The following PYHIN1 variants were observed in gnomAD, a reference collection of about 807,000 sequenced individuals.
PYHIN1 encodes the protein pyrin and HIN domain family member 1.
A neutral mutation model predicts 43.7 loss-of-function variants in PYHIN1; 32 were observed. The observed-to-expected ratio is 0.73, with a 90% CI of 0.55 to 0.98. The LOEUF is 0.98. PYHIN1 is among the 50% of genes least tolerant of loss of function. PYHIN1 has a pLI of 0.00. For synonymous variants in PYHIN1, 205 were observed against 203.1 expected, an observed-to-expected ratio of 1.01 and a Z score of -0.08; for missense variants, 588 against 589.5, an observed-to-expected ratio of 1.00 and a Z score of 0.03.
At chr1:158,972,256 G>A (rs1265041333) in intron 7 of PYHIN1, among the ~76,000 whole-genome samples, 10 of 152,074 alleles carry the variant, frequency 6.6e-5, no homozygotes, top group African/African-American at 1.9e-4. Context: ...CCATCTGGTA[G>A]TTCTTTAACC....
intron 4 of PYHIN1, 26 bp from the exon 5 acceptor site, chr1:158,941,951 T>G (rs1339456395): frequency 2.6e-6 from 4 of 1,538,458 alleles, no homozygotes; most frequent in Middle Eastern, 1.8e-4. Context: ...AATTTCTTTT[T>G]TGTATTCCTT....
downstream of PYHIN1, among the ~76,000 whole-genome samples, chr1:158,980,169 C>T (rs1651439061): frequency 1.3e-5 from 2 of 152,096 alleles, no homozygotes; most frequent in Admixed American, 1.3e-4. Context: ...CCAAATAATA[C>T]TTTTATAATT....
At chr1:158,952,736 T>C (rs1649632661) in intron 7 of PYHIN1, among the ~76,000 whole-genome samples, 1 of 152,096 alleles carries the variant, frequency 6.6e-6, no homozygotes, top group Admixed American at 6.6e-5. Context: ...TTAAGATTTC[T>C]CCCAGAGGGA....
chr1:158,978,883 C>T (rs1357709051), downstream of PYHIN1, among the ~76,000 whole-genome samples: 1 of 152,146 alleles, frequency 6.6e-6, no homozygotes, highest in African/African-American at 2.4e-5. Flanking sequence ...CTTGGGACCA[C>T]AAGTAGGTGA....
At chr1:158,966,067 A>G (rs1443997855) in intron 7 of PYHIN1, among the ~76,000 whole-genome samples, 3 of 152,310 alleles carry the variant, frequency 2.0e-5, no homozygotes, top group South Asian at 4.1e-4. Flanking sequence ...CCACAGAAAT[A>G]CAACAATCCT....
chr1:158,987,603 T>C, the PYHIN1 span, among the ~76,000 whole-genome samples: 2 of 152,232 alleles, frequency 1.3e-5, no homozygotes, highest in African/African-American at 4.8e-5. Context: ...TTAGAATCTA[T>C]TGCCAAATCC....
chr1:158,967,617 A>C (rs532765253), intron 7 of PYHIN1, among the ~76,000 whole-genome samples: 1 of 152,160 alleles, frequency 6.6e-6, no homozygotes, highest in South Asian at 2.1e-4. Context: ...TAAAACCAAA[A>C]ATGAACTTGA....
chr1:158,980,775 T>G (rs1651457815), downstream of PYHIN1, among the ~76,000 whole-genome samples: 1 of 152,164 alleles, frequency 6.6e-6, no homozygotes, highest in Non-Finnish European at 1.5e-5. Flanking sequence ...TTTTACCCTT[T>G]GTCCCGTTCC....
At chr1:158,967,863 A>C (rs1183493204) in intron 7 of PYHIN1, among the ~76,000 whole-genome samples, 12 of 152,022 alleles carry the variant, frequency 7.9e-5, no homozygotes. Flanking sequence ...TTTTTCAATA[A>C]ATGGTGCTGA....
At chr1:158,988,379 T>C in the PYHIN1 span, among the ~76,000 whole-genome samples, 1 of 152,186 alleles carries the variant, frequency 6.6e-6, no homozygotes, top group Non-Finnish European at 1.5e-5. Context: ...TTGAAGAGAT[T>C]ATTTGTAAAC....
Position 158,936,925 on chromosome 1 carries a change from C to A in PYHIN1, c.15C>A (p.Tyr5Ter), listed in dbSNP as rs1368228534. 6.3e-7 allele frequency: 1 copy of A among 1,581,538 alleles called. No individual in the cohort carries two copies. The highest frequency in any genetic ancestry group is 8.6e-7 in the Non-Finnish European group (1 of 1,166,620). Residue 5 changes from tyrosine to a stop codon, truncating the protein, a stop_gained, in exon 2 of 9, where the codon TAC becomes TAA. Transcript: ENST00000368140. LOFTEE classifies it high-confidence loss of function. MANN[Y>*]KKIVLLKGLE... Reference sequence around the variant, plus strand: ...TATCTTTAGAGATGGCAAATAACTACAAGAAAATTGTTCTACTGAAAGGAT... The same window carrying A: ...TATCTTTAGAGATGGCAAATAACTAAAAGAAAATTGTTCTACTGAAAGGAT...
intron 7 of PYHIN1, among the ~76,000 whole-genome samples, chr1:158,964,623 C>T (rs531020355): frequency 6.6e-6 from 1 of 152,226 alleles, no homozygotes; most frequent in African/African-American, 2.4e-5. Context: ...AAGAATTTCA[C>T]ATACAGCCAA....
At chr1:158,957,017 G>A (rs575921104) in intron 7 of PYHIN1, among the ~76,000 whole-genome samples, 140 of 146,658 alleles carry the variant, frequency 9.5e-4, no homozygotes, top group Non-Finnish European at 1.7e-3. Flanking sequence ...GCTTCAAAGA[G>A]AATAAAATAC....
intron 4 of PYHIN1, among the ~76,000 whole-genome samples, chr1:158,940,920 G>A (rs1337198038): frequency 6.6e-6 from 1 of 152,140 alleles, no homozygotes; most frequent in African/African-American, 2.4e-5. Context: ...GTCTCTCTGA[G>A]CAGTTATATG....
downstream of PYHIN1, among the ~76,000 whole-genome samples, chr1:158,979,187 T>C (rs1030575399): frequency 2.6e-5 from 4 of 152,154 alleles, no homozygotes; most frequent in Admixed American, 1.3e-4. Context: ...ACTTAACAAA[T>C]TTCAAGTTTA....
chr1:158,949,365 T>C (rs1044868341), intron 7 of PYHIN1, among the ~76,000 whole-genome samples: 2 of 152,340 alleles, frequency 1.3e-5, no homozygotes, highest in African/African-American at 4.8e-5. Context: ...ATTACTTTCC[T>C]GGCTTTTTTT....
rs532753281 is a variant in PYHIN1 at position 158,974,356 on chromosome 1, A to T, written c.*5+585A>T. 3.9e-5 allele frequency among the ~76,000 whole-genome samples: 6 copies of T among 152,210 alleles called. No homozygotes were observed. The South Asian group carries it at 1.0e-3, about 26-fold the overall frequency. ...AACATTTCTCTTTATTTTATTTAGA[A>T]CATTTATTAAAATTCTAATAATAAA... On this transcript the variant is annotated intron_variant, in intron 8 of 8. Coordinates refer to ENST00000368140, the MANE Select transcript of PYHIN1 (RefSeq NM_152501.5).
Position 158,933,724 on chromosome 1 carries a change from C to T in PYHIN1, c.-21+1948C>T, listed in dbSNP as rs1452889188. Among the ~76,000 whole-genome samples the T allele has an allele frequency of 1.3e-5, 2 of 152,064 alleles. No homozygotes were observed. The highest frequency in any genetic ancestry group is 2.1e-4 in the South Asian group (1 of 4,828). ...TTTTAAAACTTATATTTCCATCTCA[C>T]CCTTTAAGACAATTACATTAGTAAA... On this transcript the variant is annotated intron_variant, in intron 1 of 8. Transcript: ENST00000368140. The surrounding 1 kb of genome is among the most constrained non-coding windows in gnomAD (Gnocchi z 6.3).
rs1557818284 is a variant in PYHIN1 at position 158,931,738 on chromosome 1, C to G, written c.-59C>G. ...CCTCATTTCCTACATTTCTGAAGAT[C>G]TCAAGATCTGGACTACTGTTGAAGA... On this transcript the variant is annotated 5_prime_UTR_variant, in exon 1 of 9. In the 5' UTR this introduces an upstream ATG that the reference lacks. Coordinates refer to ENST00000368140, the MANE Select transcript of PYHIN1 (RefSeq NM_152501.5). 1 of 152,186 alleles carries G rather than the reference C, an allele frequency of 6.6e-6. No homozygotes were observed. The highest frequency in any genetic ancestry group is 1.5e-5 in the Non-Finnish European group (1 of 68,036). 9.4% of individuals were successfully genotyped at this position (152,186 alleles called of 1,614,324 possible).
Sources: allele counts gnomAD v4.1 joint callset (sites outside exome capture counted in the v4.1 genomes callset), GRCh38; gene constraint gnomAD v4.1.1; non-coding constraint Gnocchi (gnomAD v3.1); transcripts MANE v1.5; gene names NCBI Gene and HGNC (gene_info 2026-07-23, HGNC 2026-07-21).